Variants in FAM53A observed in about 807,000 individuals in gnomAD.
FAM53A encodes the protein family with sequence similarity 53 member A, also known as protein FAM53A.
Under a neutral mutation model 26.6 loss-of-function variants are expected in FAM53A, and 28 were observed. The ratio of observed to expected loss-of-function variants is 1.05; its 90% CI spans 0.78 to 1.45. The LOEUF is 1.45. Among genes scored for constraint, FAM53A ranks in the 40% most tolerant of loss-of-function variants. The probability of loss-of-function intolerance (pLI) is 0.00; values close to 1 mark genes in which losing one functional copy is unlikely to be tolerated. For missense variants in FAM53A, 650 were observed against 575.8 expected (o/e 1.13, Z -1.32); for synonymous variants, 290 against 253.1 (o/e 1.15, Z -1.38).
At chr4:1,623,351 C>T (rs1048252694) in intron 1 of FAM53A, among the ~76,000 whole-genome samples, 1 of 152,154 alleles carries the variant, frequency 6.6e-6, no homozygotes, top group African/African-American at 2.4e-5. Flanking sequence ...CCCACCGCAG[C>T]CCCGGGAGAG....
At chr4:1,621,101 CTT>C (rs574102929) in intron 1 of FAM53A, among the ~76,000 whole-genome samples, 42 of 95,516 alleles carry the variant, frequency 4.4e-4, no homozygotes, top group African/African-American at 8.7e-4. Context: ...AGCTACGCTA[CTT>C]TTTTTTTTTT....
At chr4:1,644,197 G>A in intron 4 of FAM53A, 3 of 1,535,942 alleles carry the variant, frequency 2.0e-6, no homozygotes, top group African/African-American at 1.4e-5. Flanking sequence ...ACCTTCAGGG[G>A]CCAGGTTTCC....
At chr4:1,636,037 TG>T (rs1308309192), downstream of FAM53A, among the ~76,000 whole-genome samples, 1 of 151,648 alleles carries the variant, frequency 6.6e-6, no homozygotes, top group African/African-American at 2.4e-5. Flanking sequence ...TTAGTAGAGA[TG>T]GGGTTTCACC....
intron 2 of FAM53A, among the ~76,000 whole-genome samples, chr4:1,665,901 G>C (rs1221813488): frequency 6.6e-6 from 1 of 151,874 alleles, no homozygotes; most frequent in Non-Finnish European, 1.5e-5. Flanking sequence ...GTGCAATATA[G>C]CCAAGTGACA....
At chr4:1,681,800 G>C (rs910383664) in intron 1 of FAM53A, among the ~76,000 whole-genome samples, 2 of 152,098 alleles carry the variant, frequency 1.3e-5, no homozygotes, top group Non-Finnish European at 2.9e-5. Flanking sequence ...ACCAAGCCTG[G>C]CCAAGAAATT....
At chr4:1,599,602 G>A in the FAM53A span, among the ~76,000 whole-genome samples, 1 of 152,104 alleles carries the variant, frequency 6.6e-6, no homozygotes, top group East Asian at 1.9e-4. The surrounding 1 kb of genome is among the most constrained non-coding windows in gnomAD (Gnocchi z 6.1). Flanking sequence ...CAGCCCGGGG[G>A]ACCAGAGCAC....
chr4:1,656,845 C>A (rs1713423486), intron 3 of FAM53A, among the ~76,000 whole-genome samples: 1 of 152,136 alleles, frequency 6.6e-6, no homozygotes, highest in African/African-American at 2.4e-5. Flanking sequence ...GTAAGCAGGG[C>A]CAACAGAGGG....
the FAM53A span, among the ~76,000 whole-genome samples, chr4:1,596,454 G>A: frequency 7.4e-5 from 8 of 108,394 alleles, no homozygotes; most frequent in Admixed American, 4.4e-4. Flanking sequence ...CAGTGTCACC[G>A]CCCAACGCTG....
the FAM53A span, among the ~76,000 whole-genome samples, chr4:1,593,479 C>G: frequency 1.3e-5 from 2 of 152,306 alleles, no homozygotes; most frequent in South Asian, 4.1e-4. Flanking sequence ...TGAAAAGAGC[C>G]CAAACAAAGA....
At chr4:1,649,865 C>T (rs1046807441) in intron 4 of FAM53A, among the ~76,000 whole-genome samples, 10 of 151,870 alleles carry the variant, frequency 6.6e-5, no homozygotes, top group African/African-American at 2.4e-4. Context: ...AGTGAGGTGG[C>T]ACAGGCGTGG....
chr4:1,663,984 C>T (rs1714043166), intron 2 of FAM53A, among the ~76,000 whole-genome samples: 1 of 152,230 alleles, frequency 6.6e-6, no homozygotes, highest in Non-Finnish European at 1.5e-5. Context: ...CACGAGGCGG[C>T]AGCCGGGGCA....
At chr4:1,582,626 C>T in the FAM53A span, among the ~76,000 whole-genome samples, 8 of 152,126 alleles carry the variant, frequency 5.3e-5, no homozygotes, top group African/African-American at 1.9e-4. Context: ...GAGGCCGAGG[C>T]GGGAGGAGCT....
chr4:1,633,980 T>C (rs890545504), intron 1 of FAM53A, among the ~76,000 whole-genome samples: 1 of 152,060 alleles, frequency 6.6e-6, no homozygotes, highest in Non-Finnish European at 1.5e-5. Flanking sequence ...AGGCTGTGGC[T>C]GGGGGAGCGC....
intron 1 of FAM53A, among the ~76,000 whole-genome samples, chr4:1,619,579 AC>A (rs1479581640): frequency 6.6e-6 from 1 of 152,138 alleles, no homozygotes; most frequent in South Asian, 2.1e-4. Flanking sequence ...CTGGGTCTAT[AC>A]CCTGCAATCG....
At chr4:1,669,596 G>T (rs1163262603) in intron 1 of FAM53A, among the ~76,000 whole-genome samples, 2 of 152,220 alleles carry the variant, frequency 1.3e-5, no homozygotes, top group African/African-American at 2.4e-5. Flanking sequence ...TCCCCAAACT[G>T]CCCCGGCTTT....
chr4:1,639,270 G>A (rs545041061), downstream of FAM53A, among the ~76,000 whole-genome samples: 83 of 152,246 alleles, frequency 5.5e-4, no homozygotes, highest in African/African-American at 1.9e-3. Flanking sequence ...TCAGAGCACC[G>A]CCCGCCCCAC....
chr4:1,638,844 G>A (rs541093016), downstream of FAM53A, among the ~76,000 whole-genome samples: 17 of 152,228 alleles, frequency 1.1e-4, no homozygotes, highest in Non-Finnish European at 1.0e-4. Flanking sequence ...CTCAGGTAGC[G>A]AGAGTCAGCT....
At chr4:1,576,733 G>C in the FAM53A span, among the ~76,000 whole-genome samples, 8 of 152,230 alleles carry the variant, frequency 5.3e-5, no homozygotes, top group Non-Finnish European at 1.0e-4. Flanking sequence ...CTGGGGCCAG[G>C]GTCCACATTC....
the FAM53A span, among the ~76,000 whole-genome samples, chr4:1,595,661 G>A: frequency 4.9e-3 from 740 of 152,330 alleles, 3 homozygotes; most frequent in Non-Finnish European, 6.0e-3. Context: ...CAGGACACTT[G>A]GAGCTTACCC....
Sources: gnomAD v4.1 joint callset for allele counts (sites outside exome capture counted in the v4.1 genomes callset) on GRCh38, gnomAD v4.1.1 for gene constraint, Gnocchi (gnomAD v3.1) non-coding constraint, MANE v1.5 for transcripts, NCBI Gene and HGNC (gene_info 2026-07-23, HGNC 2026-07-21) for gene names.